SLC25A33: variants seen among roughly 807,000 people sequenced by gnomAD.
The protein encoded by SLC25A33 is bone marrow stromal cell mitochondrial carrier protein.
A neutral mutation model predicts 35.5 loss-of-function variants in SLC25A33; 15 were observed. The observed-to-expected ratio is 0.42, with a 90% CI of 0.28 to 0.65. SLC25A33 has a LOEUF of 0.65. Among genes scored for constraint, SLC25A33 ranks in the 30% least tolerant of loss-of-function variants. The pLI is 0.20. For missense variants in SLC25A33, 257 were observed against 398.5 expected, an observed-to-expected ratio of 0.64 and a Z score of 3.02; for synonymous variants, 136 against 148.7, an observed-to-expected ratio of 0.91 and a Z score of 0.62.
intron 2 of SLC25A33, among the ~76,000 whole-genome samples, chr1:9,557,674 A>G (rs1397352858): frequency 6.6e-6 from 1 of 152,228 alleles, no homozygotes; most frequent in Non-Finnish European, 1.5e-5. Flanking sequence ...GAGTGTGTTC[A>G]AGACACATTT....
At chr1:9,573,717 A>G (rs540257432) in intron 5 of SLC25A33, among the ~76,000 whole-genome samples, 2 of 152,124 alleles carry the variant, frequency 1.3e-5, no homozygotes, top group Non-Finnish European at 2.9e-5. Flanking sequence ...ACCCCACCCC[A>G]GTTGAAGTGC....
In SLC25A33 at chr1:9,572,040, A is replaced by G. The variant is rs187164297; in HGVS notation, c.416-1306A>G. 1.6e-3 allele frequency among the ~76,000 whole-genome samples: 247 copies of G among 152,238 alleles called. 2 individuals carry two copies. Among genetic ancestry groups the G allele is most frequent in the Non-Finnish European group, 2.1e-3 (140 of 68,016 alleles). The stretch of plus-strand genomic sequence containing the variant: ...CACACCAGTTTTGTCTGCCGTTGTT[A>G]CTCCAAATACAAGTATGACCAACCT... On this transcript the variant is annotated intron_variant, in intron 4 of 6. Coordinates refer to ENST00000302692, the MANE Select transcript of SLC25A33 (RefSeq NM_032315.3).
At chr1:9,549,444 A>C (rs1477151892) in intron 1 of SLC25A33, among the ~76,000 whole-genome samples, 9 of 102,968 alleles carry the variant, frequency 8.7e-5, no homozygotes, top group African/African-American at 3.1e-4. Context: ...TGGTGGGATC[A>C]ATGCGGGGGA....
chr1:9,567,226 C>T, intron 2 of SLC25A33, 58 bp from the exon 3 acceptor site: 1 of 1,428,314 alleles, frequency 7.0e-7, no homozygotes, highest in South Asian at 1.2e-5. Flanking sequence ...GACTCTTTAT[C>T]ATTTTTAATA....
chr1:9,570,805 C>T (rs1557534613), intron 4 of SLC25A33, among the ~76,000 whole-genome samples: 4 of 150,402 alleles, frequency 2.7e-5, no homozygotes, highest in South Asian at 2.1e-4. Flanking sequence ...CTCCTCCTCC[C>T]AAGTTAAAGT....
intron 2 of SLC25A33, among the ~76,000 whole-genome samples, chr1:9,554,816 T>G (rs1049400847): frequency 6.6e-6 from 1 of 152,228 alleles, no homozygotes; most frequent in African/African-American, 2.4e-5. Flanking sequence ...AGCCAAATAT[T>G]CTTAAGTCAA....
chr1:9,540,051 G>A (rs1462473468), intron 1 of SLC25A33, among the ~76,000 whole-genome samples: 1 of 152,154 alleles, frequency 6.6e-6, no homozygotes, highest in African/African-American at 2.4e-5. Flanking sequence ...AGTGGTGCTC[G>A]GCGGCGGTCC....
intron 2 of SLC25A33, among the ~76,000 whole-genome samples, chr1:9,565,654 G>A (rs533773782): frequency 6.6e-5 from 10 of 151,954 alleles, no homozygotes; most frequent in African/African-American, 2.2e-4. Flanking sequence ...CAAGGCAGGC[G>A]GATCATCAGG....
chr1:9,553,544 T>C, intron 1 of SLC25A33, 82 bp from the exon 2 acceptor site: 1 of 1,531,268 alleles, frequency 6.5e-7, no homozygotes, highest in Non-Finnish European at 8.9e-7. Context: ...GTTCTAGTTT[T>C]AAAGAGAGAA....
chr1:9,553,891 T>G, intron 2 of SLC25A33, 86 bp downstream of exon 2: 1 of 1,396,266 alleles, frequency 7.2e-7, no homozygotes, highest in Non-Finnish European at 9.8e-7. Context: ...TTATCAAATG[T>G]GATGTTCTGT....
intron 2 of SLC25A33, among the ~76,000 whole-genome samples, chr1:9,562,033 G>C (rs1370661609): frequency 1.4e-5 from 2 of 145,006 alleles, no homozygotes; most frequent in African/African-American, 5.2e-5. Flanking sequence ...CCTGGCGACA[G>C]AGCAAGACTC....
At chr1:9,566,870 A>C (rs1643515631) in intron 2 of SLC25A33, among the ~76,000 whole-genome samples, 1 of 151,354 alleles carries the variant, frequency 6.6e-6, no homozygotes, top group Admixed American at 6.6e-5. Flanking sequence ...AATAAATAAA[A>C]ATACAAAATT....
chr1:9,556,991 T>G lies in SLC25A33; in HGVS notation c.236+3186T>G, dbSNP rs1213174950. 2.0e-5 allele frequency among the ~76,000 whole-genome samples: 3 copies of G among 152,326 alleles called. No individual in the cohort carries two copies. The South Asian group carries it at 6.2e-4, about 32-fold the overall frequency. On this transcript the variant is annotated intron_variant, in intron 2 of 6. Transcript: ENST00000302692. ...TTCACTCTTGTTGCCCAGGCTGGAG[T>G]GCAATGGCGTGATCTCGGCACAACC...
Position 9,539,745 on chromosome 1 carries a change from C to A in SLC25A33, c.54C>A (p.Gly18=), listed in dbSNP as rs1355726833. The change falls in exon 1 of 7, where the codon GGC becomes GGA. Residue 18 remains glycine, a splice_region_variant and synonymous_variant. Transcript: ENST00000302692. ...KENTLLHLFA[G]GCGGTVGAIF... ...ACACGCTGCTTCACCTCTTCGCCGG[C>A]GGGTGAGTTCCCGGGCCCAGCCGCG... 1.4e-6 allele frequency: 2 copies of A among 1,402,752 alleles called. No homozygotes were observed. Among genetic ancestry groups the A allele is most frequent in the African/African-American group, 1.5e-5 (1 of 66,464 alleles). The allele number at this position is 1,402,752 out of a possible 1,614,324, so 86.9% of individuals were successfully genotyped here. A position where few individuals can be genotyped will look rare whatever the true frequency, so the allele number is the denominator to read the frequency against.
chr1:9,568,150 A>C (rs1643536825), intron 3 of SLC25A33, among the ~76,000 whole-genome samples: 1 of 152,192 alleles, frequency 6.6e-6, no homozygotes, highest in East Asian at 1.9e-4. Context: ...TAGATTAAAA[A>C]CTGCTTCCAG....
intron 2 of SLC25A33, among the ~76,000 whole-genome samples, chr1:9,556,507 C>G (rs1643343408): frequency 6.6e-6 from 1 of 152,196 alleles, no homozygotes; most frequent in South Asian, 2.1e-4. Context: ...TTTGCTTCAT[C>G]ATACCAGTTC....
chr1:9,551,102 G>A (rs1165225862), intron 1 of SLC25A33, among the ~76,000 whole-genome samples: 2 of 152,092 alleles, frequency 1.3e-5, no homozygotes, highest in Admixed American at 6.5e-5. Context: ...AATAAAAATA[G>A]GCCAGGTGCG....
At chr1:9,551,332 C>T (rs577492252) in intron 1 of SLC25A33, among the ~76,000 whole-genome samples, 4 of 152,230 alleles carry the variant, frequency 2.6e-5, no homozygotes, top group Admixed American at 1.3e-4. Flanking sequence ...GAAATCGCAC[C>T]ACTGCACTCC....
At chr1:9,547,065 A>T (rs1198364972) in intron 1 of SLC25A33, among the ~76,000 whole-genome samples, 1 of 152,180 alleles carries the variant, frequency 6.6e-6, no homozygotes, top group East Asian at 1.9e-4. Context: ...CCATCCCTAA[A>T]CAAGGCAAAG....
Sources: gnomAD v4.1 joint callset for allele counts (sites outside exome capture counted in the v4.1 genomes callset) on GRCh38, gnomAD v4.1.1 for gene constraint, MANE v1.5 for transcripts, NCBI Gene and HGNC (gene_info 2026-07-23, HGNC 2026-07-21) for gene names.